The following TAFA1 variants were observed in gnomAD, a reference collection of about 807,000 sequenced individuals.
TAFA1 encodes the protein TAFA chemokine like family member 1, also known as chemokine-like protein TAFA-1.
A neutral mutation model predicts 18.5 loss-of-function variants in TAFA1; 4 were observed. The ratio of observed to expected loss-of-function variants is 0.22; its 90% CI spans 0.11 to 0.49. The LOEUF is 0.49. TAFA1 is among the 20% of genes least tolerant of loss of function. TAFA1 has a pLI of 0.98. For missense variants in TAFA1, 147 were observed against 169.0 expected, an observed-to-expected ratio of 0.87 and a Z score of 0.72; for synonymous variants, 56 against 55.2, an observed-to-expected ratio of 1.01 and a Z score of -0.06.
chr3:68,028,306 C>T (rs902346447), intron 2 of TAFA1, among the ~76,000 whole-genome samples: 5 of 151,582 alleles, frequency 3.3e-5, no homozygotes, highest in African/African-American at 1.2e-4. Flanking sequence ...TCTCAAAAAA[C>T]AAACAAAACA....
intron 3 of TAFA1, among the ~76,000 whole-genome samples, chr3:68,432,241 C>T (rs557155310): frequency 4.0e-5 from 6 of 151,816 alleles, no homozygotes; most frequent in East Asian, 1.9e-4. Flanking sequence ...CATTTCATAA[C>T]GTGTCCTTAA....
At chr3:68,416,179 TAC>T (rs1336615600) in intron 2 of TAFA1, among the ~76,000 whole-genome samples, 1 of 152,186 alleles carries the variant, frequency 6.6e-6, no homozygotes, top group Non-Finnish European at 1.5e-5. Context: ...ATCTCTGCAT[TAC>T]ACAGTTCTCA....
chr3:68,449,459 G>A (rs1277938380), intron 3 of TAFA1, among the ~76,000 whole-genome samples: 2 of 152,092 alleles, frequency 1.3e-5, no homozygotes. Context: ...TTCTAAGTAG[G>A]TGATTTACAT....
chr3:68,260,039 G>C (rs576776458), intron 2 of TAFA1, among the ~76,000 whole-genome samples: 1 of 152,222 alleles, frequency 6.6e-6, no homozygotes, highest in South Asian at 2.1e-4. Context: ...AATGCTTCCA[G>C]TTTTTGCCCA....
At chr3:68,149,340 G>A (rs2065779078) in intron 2 of TAFA1, among the ~76,000 whole-genome samples, 1 of 152,250 alleles carries the variant, frequency 6.6e-6, no homozygotes, top group South Asian at 2.1e-4. Flanking sequence ...GAAGGCACAA[G>A]GTCTATCTTA....
intron 2 of TAFA1, among the ~76,000 whole-genome samples, chr3:68,324,779 T>C (rs2068751445): frequency 6.6e-6 from 1 of 152,210 alleles, no homozygotes; most frequent in East Asian, 1.9e-4. Context: ...TTGGATATCT[T>C]ATTTTTATAA....
chr3:68,025,998 A>G (rs1704806399), intron 2 of TAFA1, among the ~76,000 whole-genome samples: 1 of 152,210 alleles, frequency 6.6e-6, no homozygotes, highest in Non-Finnish European at 1.5e-5. Context: ...GTCAGAGGGC[A>G]AAAAGAAGGC....
chr3:68,029,958 G>C (rs1025277415), intron 2 of TAFA1, among the ~76,000 whole-genome samples: 3 of 152,160 alleles, frequency 2.0e-5, no homozygotes, highest in African/African-American at 7.2e-5. Context: ...GCCTGGGTAA[G>C]AAGCCTGCTT....
intron 3 of TAFA1, among the ~76,000 whole-genome samples, chr3:68,536,127 C>T (rs978012049): frequency 6.6e-6 from 1 of 152,122 alleles, no homozygotes; most frequent in Non-Finnish European, 1.5e-5. Context: ...TTCCTCACTA[C>T]ATAATAATTT....
At chr3:68,337,819 A>G (rs184912929) in intron 2 of TAFA1, among the ~76,000 whole-genome samples, 144 of 152,310 alleles carry the variant, frequency 9.5e-4, no homozygotes, top group African/African-American at 3.2e-3. Flanking sequence ...GAAGTGAGGT[A>G]CACATCCACC....
intron 2 of TAFA1, among the ~76,000 whole-genome samples, chr3:68,202,101 C>A (rs2066475895): frequency 6.6e-6 from 1 of 151,754 alleles, no homozygotes; most frequent in East Asian, 1.9e-4. Context: ...TCTCCTAACA[C>A]CACCTCATTG....
intron 2 of TAFA1, among the ~76,000 whole-genome samples, chr3:68,067,714 C>G (rs895715488): frequency 2.0e-5 from 3 of 152,058 alleles, no homozygotes; most frequent in African/African-American, 7.2e-5. Flanking sequence ...TCCTTCCTTC[C>G]ATTCTTCCTT....
At chr3:68,379,575 T>A (rs262192) in intron 2 of TAFA1, among the ~76,000 whole-genome samples, 151,924 of 152,270 alleles carry the variant, frequency 1, 75,792 homozygotes, top group Middle Eastern at 1. Context: ...GCCTGTTGCT[T>A]TGTCAAGAAT....
chr3:68,514,560 A>T (rs2072894116), intron 3 of TAFA1, among the ~76,000 whole-genome samples: 1 of 152,150 alleles, frequency 6.6e-6, no homozygotes, highest in South Asian at 2.1e-4. Context: ...TATAAGGCCA[A>T]GGCAATGACT....
intron 2 of TAFA1, among the ~76,000 whole-genome samples, chr3:68,264,307 A>C (rs971705): frequency 0.078 from 11,824 of 152,230 alleles, 588 homozygotes; most frequent in African/African-American, 0.13. Context: ...AAAAATAAAC[A>C]ATAGTTCAGG....
intron 2 of TAFA1, among the ~76,000 whole-genome samples, chr3:68,091,095 C>T (rs190455730): frequency 6.6e-6 from 1 of 152,166 alleles, no homozygotes; most frequent in Non-Finnish European, 1.5e-5. Flanking sequence ...TTGTTCTAAT[C>T]AGCTGGACAA....
At chr3:68,173,948 G>A (rs2066091532) in intron 2 of TAFA1, among the ~76,000 whole-genome samples, 1 of 152,056 alleles carries the variant, frequency 6.6e-6, no homozygotes, top group African/African-American at 2.4e-5. Flanking sequence ...CATATTTTGG[G>A]ACATGAATCT....
intron 3 of TAFA1, among the ~76,000 whole-genome samples, chr3:68,490,746 T>C (rs1233383442): frequency 6.6e-6 from 1 of 152,166 alleles, no homozygotes; most frequent in African/African-American, 2.4e-5. Context: ...ATATTTTTAA[T>C]TTTTCACTTT....
At chr3:68,062,278 T>C (rs1392751724) in intron 2 of TAFA1, among the ~76,000 whole-genome samples, 1 of 152,174 alleles carries the variant, frequency 6.6e-6, no homozygotes, top group Non-Finnish European at 1.5e-5. Flanking sequence ...GCTCCTATGC[T>C]TTTGTTAAGG....
Sources: gnomAD v4.1 joint callset for allele counts (sites outside exome capture counted in the v4.1 genomes callset) on GRCh38, gnomAD v4.1.1 for gene constraint, MANE v1.5 for transcripts, NCBI Gene and HGNC (gene_info 2026-07-23, HGNC 2026-07-21) for gene names.